Variants in NAA35 observed in about 807,000 individuals in gnomAD.
The protein encoded by NAA35 is N-alpha-acetyltransferase 35, NatC auxiliary subunit, also known as MAK10 homolog, amino-acid N-acetyltransferase subunit.
Under a neutral mutation model 101.7 loss-of-function variants are expected in NAA35, and 18 were observed. That is an observed-to-expected ratio of 0.18 (90% CI 0.12 to 0.26). NAA35 has a LOEUF of 0.26. Ranked by LOEUF, NAA35 falls within the 10% of genes least tolerant of loss-of-function variation. The pLI is 1.00. For missense variants in NAA35, 601 were observed against 886.8 expected (o/e 0.68, Z 4.09); for synonymous variants, 267 against 273.1 (o/e 0.98, Z 0.22).
rs141974831 is a variant in NAA35, at chr9:85,978,648, GCTT to G, written c.877+274_877+276del. On this transcript the variant is annotated intron_variant, in intron 11 of 22. Transcript: ENST00000361671. ...CATGCTGTGATGTTACAGTCTGGCA[GCTT>G]CTTCTTGCTGCCCAGAAAAGCCAGC... Among the ~76,000 whole-genome samples, 604 of 152,268 alleles carry G rather than the reference GCTT, an allele frequency of 4.0e-3. 5 individuals carry two copies. Among genetic ancestry groups the G allele is most frequent in the African/African-American group, 0.014 (571 of 41,552 alleles).
At chr9:86,010,711 A>T (rs1831879662) in intron 15 of NAA35, among the ~76,000 whole-genome samples, 1 of 150,422 alleles carries the variant, frequency 6.6e-6, no homozygotes, top group Non-Finnish European at 1.5e-5. Context: ...AGTAGCTGGG[A>T]CTACAGGCGC....
intron 15 of NAA35, among the ~76,000 whole-genome samples, chr9:86,010,298 T>C (rs1268881600): frequency 6.6e-6 from 1 of 151,972 alleles, no homozygotes; most frequent in Non-Finnish European, 1.5e-5. Context: ...ATTCCTTCAG[T>C]GTCTGTGCTT....
At chr9:85,991,258 A>C in intron 11 of NAA35, among the ~76,000 whole-genome samples, 1 of 152,098 alleles carries the variant, frequency 6.6e-6, no homozygotes, top group Non-Finnish European at 1.5e-5. Flanking sequence ...GGCTCATGTT[A>C]ATGGAGCCTG....
intron 6 of NAA35, among the ~76,000 whole-genome samples, chr9:85,970,880 G>A (rs543537831): frequency 6.6e-6 from 1 of 152,266 alleles, no homozygotes; most frequent in African/African-American, 2.4e-5. Context: ...GTAAAGGGGC[G>A]TCATAGTCTG....
intron 5 of NAA35, among the ~76,000 whole-genome samples, chr9:85,961,710 G>A (rs1173995741): frequency 6.6e-6 from 1 of 152,120 alleles, no homozygotes; most frequent in Admixed American, 6.6e-5. Context: ...GAATTTTCCA[G>A]TTTATGGATT....
intron 12 of NAA35, among the ~76,000 whole-genome samples, chr9:85,998,067 A>G (rs966042297): frequency 6.6e-6 from 1 of 152,142 alleles, no homozygotes; most frequent in Admixed American, 6.5e-5. Context: ...GGCGTCCGCC[A>G]CCACGCCCAG....
intron 6 of NAA35, among the ~76,000 whole-genome samples, chr9:85,968,786 A>T (rs1383164621): frequency 6.6e-6 from 1 of 152,162 alleles, no homozygotes; most frequent in Non-Finnish European, 1.5e-5. Context: ...CCCAACTAGT[A>T]ATCTAAAAGC....
At chr9:85,985,584 G>A (rs944983679) in intron 11 of NAA35, among the ~76,000 whole-genome samples, 1 of 152,158 alleles carries the variant, frequency 6.6e-6, no homozygotes, top group African/African-American at 2.4e-5. Context: ...AGGATTGGGG[G>A]AAGAATCATG....
chr9:86,001,878 A>G (rs1400342100), intron 12 of NAA35, among the ~76,000 whole-genome samples: 1 of 152,028 alleles, frequency 6.6e-6, no homozygotes, highest in Non-Finnish European at 1.5e-5. Flanking sequence ...TCAGGTTAGT[A>G]TGATATGTGT....
At position 85,958,528 on chromosome 9, in the gene NAA35, C is replaced by G; in HGVS notation, c.215C>G (p.Ala72Gly). The change falls in exon 4 of 23, where the codon GCT (alanine) becomes GGT (glycine). Residue 72 changes from alanine to glycine, a missense_variant. Ala to Gly is a moderately conservative substitution (Grantham distance 60). Transcript: ENST00000361671. Reference protein sequence around the residue: ...AIEMMDPKMDAGMIGNQVNRK... With the variant: ...AIEMMDPKMDGGMIGNQVNRK... ...GAAATGATGGATCCCAAGATGGATG[C>G]TGGCATGATTGGAAACCAAGTTAAT... The G allele has an allele frequency of 6.2e-7, 1 of 1,611,542 alleles. No individual in the cohort carries two copies. The highest frequency in any genetic ancestry group is 8.5e-7 in the Non-Finnish European group (1 of 1,178,542).
rs756918123 is a variant in NAA35, at chr9:86,018,289, G to A, written c.1808G>A (p.Arg603His). The change falls in exon 20 of 23, where the codon CGT becomes CAT. Residue 603 changes from arginine (R) to histidine (H), a missense_variant. By Grantham distance (29) the Arg-to-His change is conservative (BLOSUM62 0). This residue lies in a region of NAA35 where 90 missense variants were observed against 108.7 expected (regional missense o/e 0.83). Transcript: ENST00000361671. The part of the protein sequence containing the change: ...MVAFDMDGKV[R>H]KPKFELDSEQ... ...GCATTTGACATGGACGGCAAAGTACGTAAACCGAAGTTTGAGCTTGATAGT... is the reference window on the plus strand; with the variant it reads ...GCATTTGACATGGACGGCAAAGTACATAAACCGAAGTTTGAGCTTGATAGT... 100 of 1,613,486 alleles carry A rather than the reference G, an allele frequency of 6.2e-5. No individual in the cohort carries two copies. The highest frequency in any genetic ancestry group is 7.4e-5 in the Non-Finnish European group (87 of 1,179,720).
intron 2 of NAA35, among the ~76,000 whole-genome samples, chr9:85,949,381 A>G (rs958822679): frequency 6.9e-5 from 10 of 144,646 alleles, no homozygotes; most frequent in Admixed American, 2.8e-4. Flanking sequence ...CGCAACCTCC[A>G]CCTCCCAGGT....
intron 13 of NAA35, among the ~76,000 whole-genome samples, chr9:86,006,875 TAAGGA>T (rs765573130): frequency 1.2e-4 from 19 of 152,160 alleles, no homozygotes; most frequent in Non-Finnish European, 2.2e-4. Context: ...AGTGGATTGT[TAAGGA>T]AAGGAAAGGA....
At chr9:85,993,203 C>T (rs985562150) in intron 11 of NAA35, among the ~76,000 whole-genome samples, 1 of 152,186 alleles carries the variant, frequency 6.6e-6, no homozygotes, top group African/African-American at 2.4e-5. Context: ...GACCGAGTTT[C>T]ACTCTGTCAC....
intron 21 of NAA35, 48 bp from the exon 22 acceptor site, chr9:86,020,841 T>C: frequency 1.4e-6 from 2 of 1,473,682 alleles, no homozygotes; most frequent in Non-Finnish European, 1.9e-6. Flanking sequence ...AAAAGAGAAA[T>C]TTTGACTATG....
chr9:85,978,988 C>T (rs1830326826), intron 11 of NAA35, among the ~76,000 whole-genome samples: 1 of 152,134 alleles, frequency 6.6e-6, no homozygotes, highest in South Asian at 2.1e-4. Context: ...TTTACAAAGG[C>T]CATTTCAATA....
chr9:85,980,739 T>G (rs1309393673), intron 11 of NAA35, among the ~76,000 whole-genome samples: 2 of 152,230 alleles, frequency 1.3e-5, no homozygotes, highest in East Asian at 1.9e-4. Flanking sequence ...GTACCTCTGT[T>G]GTAAAGTTTA....
chr9:86,011,544 G>A (rs1831918605), intron 15 of NAA35, among the ~76,000 whole-genome samples: 1 of 150,510 alleles, frequency 6.6e-6, no homozygotes. Context: ...TATTTTTTGT[G>A]GAGACAGGTT....
intron 2 of NAA35, among the ~76,000 whole-genome samples, chr9:85,948,323 T>A (rs1309610496): frequency 1.3e-5 from 2 of 152,210 alleles, no homozygotes; most frequent in African/African-American, 4.8e-5. Context: ...ACTTCTAGAT[T>A]AATGAATCTA....
Sources: allele counts gnomAD v4.1 joint callset (sites outside exome capture counted in the v4.1 genomes callset), GRCh38; gene constraint gnomAD v4.1.1; regional missense constraint gnomAD v4.1.1; transcripts MANE v1.5; gene names NCBI Gene and HGNC (gene_info 2026-07-23, HGNC 2026-07-21).